The following HECW1 variants were observed in gnomAD, a reference collection of about 807,000 sequenced individuals.
HECW1 encodes HECT, C2 and WW domain containing E3 ubiquitin protein ligase 1.
Under a neutral mutation model 182.3 loss-of-function variants are expected in HECW1, and 61 were observed. The ratio of observed to expected loss-of-function variants is 0.33; its 90% CI spans 0.27 to 0.41. HECW1 has a LOEUF of 0.41. HECW1 is among the 10% of genes least tolerant of loss of function. The pLI, the probability that HECW1 is intolerant of heterozygous loss-of-function variation, is 1.00. For synonymous variants in HECW1, 859 were observed against 832.6 expected (o/e 1.03, Z -0.55); for missense variants, 1,739 against 2,108.9 (o/e 0.82, Z 3.44).
intron 8 of HECW1, among the ~76,000 whole-genome samples, chr7:43,420,993 T>C (rs2076164549): frequency 6.6e-6 from 1 of 151,860 alleles, no homozygotes; most frequent in Admixed American, 6.6e-5. Context: ...AAGAGAGTCT[T>C]GAAAAAGAAA....
intron 2 of HECW1, among the ~76,000 whole-genome samples, chr7:43,142,472 C>T (rs911680626): frequency 3.9e-5 from 6 of 152,088 alleles, no homozygotes; most frequent in Non-Finnish European, 8.8e-5. Context: ...TTCCGAGGGT[C>T]GAGGGTGGGC....
intron 19 of HECW1, among the ~76,000 whole-genome samples, chr7:43,496,573 G>A (rs1008520550): frequency 7.2e-5 from 11 of 152,244 alleles, no homozygotes; most frequent in African/African-American, 2.2e-4. Context: ...GAAGGTTCAG[G>A]AGTTGAAGAG....
chr7:43,538,361 T>G (rs1173887916), intron 24 of HECW1, among the ~76,000 whole-genome samples: 1 of 152,206 alleles, frequency 6.6e-6, no homozygotes, highest in African/African-American at 2.4e-5. Flanking sequence ...TTAGAGGGCT[T>G]AAGCTGGTTG....
intron 5 of HECW1, among the ~76,000 whole-genome samples, chr7:43,353,121 G>A (rs184957284): frequency 6.6e-6 from 1 of 152,058 alleles, no homozygotes; most frequent in East Asian, 1.9e-4. Context: ...ACTTCGTGAA[G>A]GACATGGTCA....
intron 24 of HECW1, among the ~76,000 whole-genome samples, chr7:43,527,145 C>A (rs12539311): frequency 1.3e-5 from 2 of 152,166 alleles, no homozygotes; most frequent in African/African-American, 4.8e-5. Context: ...TCCCTTCTTG[C>A]GTGAAATTAA....
chr7:43,530,116 A>ATTT (rs35892407), intron 24 of HECW1, among the ~76,000 whole-genome samples: 78 of 121,240 alleles, frequency 6.4e-4, no homozygotes, highest in African/African-American at 2.4e-3. Flanking sequence ...TGCTTGGCTA[A>ATTT]TTTTTTTTTT....
chr7:43,364,087 C>G (rs1233964394), intron 6 of HECW1, among the ~76,000 whole-genome samples: 1 of 152,118 alleles, frequency 6.6e-6, no homozygotes, highest in Non-Finnish European at 1.5e-5. Context: ...TGAAGAGTTG[C>G]TGTGTATTGC....
At chr7:43,337,217 C>G (rs1812410095) in intron 5 of HECW1, among the ~76,000 whole-genome samples, 1 of 152,130 alleles carries the variant, frequency 6.6e-6, no homozygotes, top group Admixed American at 6.5e-5. Flanking sequence ...TGTTTTTTGA[C>G]TTTTTAAATA....
At chr7:43,343,715 C>T (rs900527920) in intron 5 of HECW1, among the ~76,000 whole-genome samples, 1 of 151,742 alleles carries the variant, frequency 6.6e-6, no homozygotes, top group Non-Finnish European at 1.5e-5. Flanking sequence ...TGAATAGTGC[C>T]GCAATAAAAA....
chr7:43,251,263 T>C (rs1166926575), intron 3 of HECW1, among the ~76,000 whole-genome samples: 5 of 152,208 alleles, frequency 3.3e-5, no homozygotes, highest in African/African-American at 1.2e-4. Flanking sequence ...CCTAGCCTAG[T>C]GGGACAGGGG....
intron 3 of HECW1, among the ~76,000 whole-genome samples, chr7:43,286,918 T>G (rs1410473403): frequency 6.6e-6 from 1 of 152,212 alleles, no homozygotes; most frequent in African/African-American, 2.4e-5. Context: ...ATTTGAAGAA[T>G]TTGCATACAA....
chr7:43,529,852 T>G (rs990026640), intron 24 of HECW1, among the ~76,000 whole-genome samples: 2 of 152,184 alleles, frequency 1.3e-5, no homozygotes, highest in African/African-American at 4.8e-5. Flanking sequence ...TGAAGTCTGA[T>G]TTCAGTAATC....
At chr7:43,467,684 A>G (rs1014469259) in intron 15 of HECW1, among the ~76,000 whole-genome samples, 2 of 152,126 alleles carry the variant, frequency 1.3e-5, no homozygotes, top group South Asian at 2.1e-4. Context: ...GGGTGGGAGC[A>G]TGGCAAGGAA....
At chr7:43,193,533 C>A (rs895193431) in intron 2 of HECW1, among the ~76,000 whole-genome samples, 5 of 152,208 alleles carry the variant, frequency 3.3e-5, no homozygotes, top group East Asian at 1.9e-4. Context: ...AGGTGCCCAC[C>A]ACCACGCCCA....
At chr7:43,347,580 G>A (rs1813848962) in intron 5 of HECW1, among the ~76,000 whole-genome samples, 1 of 151,920 alleles carries the variant, frequency 6.6e-6, no homozygotes, top group Admixed American at 6.6e-5. Context: ...AGTGGTGAGA[G>A]TGGTCATCCT....
At position 43,220,299 on chromosome 7, in the gene HECW1, C is replaced by T. The variant is rs142640265; in HGVS notation, c.-31-23576C>T. Among the ~76,000 whole-genome samples the T allele has an allele frequency of 2.7e-3, 405 of 152,262 alleles. 1 individual carries two copies. The highest frequency in any genetic ancestry group is 8.9e-3 in the African/African-American group (370 of 41,532). The stretch of plus-strand genomic sequence containing the variant: ...CAACGCTTCCTGTGTCCTCTCCCTG[C>T]GGGGTCAGGATGCATTACCCTCCCA... On this transcript the variant is annotated intron_variant, in intron 2 of 29. Transcript: ENST00000395891.
chr7:43,463,996 A>G (rs149077770), intron 14 of HECW1, among the ~76,000 whole-genome samples, 197 bp downstream of exon 14: 3 of 152,310 alleles, frequency 2.0e-5, no homozygotes, highest in Non-Finnish European at 4.4e-5. Context: ...CAGGAAACTT[A>G]GGAGAAGTGA....
At chr7:43,387,599 T>C (rs2074850617) in intron 6 of HECW1, among the ~76,000 whole-genome samples, 1 of 152,252 alleles carries the variant, frequency 6.6e-6, no homozygotes, top group South Asian at 2.1e-4. Context: ...GGATATAAAT[T>C]ACCATACTGA....
At chr7:43,198,556 C>CT (rs1794719295) in intron 2 of HECW1, among the ~76,000 whole-genome samples, 1 of 149,708 alleles carries the variant, frequency 6.7e-6, no homozygotes, top group Non-Finnish European at 1.5e-5. Flanking sequence ...CTCACACACC[C>CT]TTCACTTACA....
Sources: allele counts gnomAD v4.1 joint callset (sites outside exome capture counted in the v4.1 genomes callset), GRCh38; gene constraint gnomAD v4.1.1; transcripts MANE v1.5; gene names NCBI Gene and HGNC (gene_info 2026-07-23, HGNC 2026-07-21).